Variants in MYO3B observed in about 807,000 individuals in gnomAD.
MYO3B encodes myosin-IIIb.
A neutral mutation model predicts 174.6 loss-of-function variants in MYO3B; 156 were observed. The observed-to-expected ratio is 0.89, with a 90% confidence interval of 0.78 to 1.02. MYO3B has a LOEUF of 1.02. MYO3B is among the 50% of genes least tolerant of loss of function. MYO3B has a pLI of 0.00. For synonymous variants in MYO3B, 563 were observed against 569.1 expected (o/e 0.99, Z 0.15); for missense variants, 1,632 against 1,639.4 (o/e 1.00, Z 0.08).
intron 7 of MYO3B, among the ~76,000 whole-genome samples, chr2:170,258,305 A>T (rs1045899849): frequency 1.3e-5 from 2 of 152,188 alleles, no homozygotes; most frequent in African/African-American, 4.8e-5. Flanking sequence ...AGATACAAAA[A>T]TCCTCAACAA....
At chr2:170,218,720 A>G (rs988518941) in intron 6 of MYO3B, among the ~76,000 whole-genome samples, 1 of 152,234 alleles carries the variant, frequency 6.6e-6, no homozygotes, top group Non-Finnish European at 1.5e-5. Context: ...AATAGTAAAC[A>G]TAATATGAAC....
chr2:170,283,786 T>C (rs2093532468), intron 7 of MYO3B, among the ~76,000 whole-genome samples: 1 of 152,214 alleles, frequency 6.6e-6, no homozygotes, highest in Non-Finnish European at 1.5e-5. Flanking sequence ...CAGTTTATAT[T>C]GGCACTTTCT....
At chr2:170,293,703 G>A (rs1225784512) in intron 7 of MYO3B, among the ~76,000 whole-genome samples, 2 of 152,152 alleles carry the variant, frequency 1.3e-5, no homozygotes, top group African/African-American at 4.8e-5. Context: ...AAGAGAAGCA[G>A]TAGGGATTCA....
chr2:170,404,778 C>G (rs951674528), intron 20 of MYO3B, among the ~76,000 whole-genome samples: 2 of 152,172 alleles, frequency 1.3e-5, no homozygotes, highest in Non-Finnish European at 2.9e-5. Context: ...CATGCAGAAG[C>G]CCTTTCCAGT....
intron 32 of MYO3B, among the ~76,000 whole-genome samples, chr2:170,605,160 G>A (rs1694737778): frequency 6.6e-6 from 1 of 152,122 alleles, no homozygotes; most frequent in African/African-American, 2.4e-5. Flanking sequence ...CCGCCTCTCA[G>A]CAGCATTTGA....
rs1468827547 is a variant in MYO3B, at chr2:170,608,451, G to A, written c.3734-43177G>A. ...CCAGTGGGATTATACAAGATTGAAG[G>A]ATCCAAAAGGCAACCAAGAGAAGTT... On this transcript the variant is annotated intron_variant, in intron 32 of 34. Coordinates refer to ENST00000408978, the MANE Select transcript of MYO3B (RefSeq NM_138995.5). Among the ~76,000 whole-genome samples the A allele has an allele frequency of 2.6e-5, 4 of 152,216 alleles. No individual in the cohort carries two copies. The South Asian group carries it at 6.2e-4, about 24-fold the overall frequency.
At chr2:170,622,309 T>C (rs996756543) in intron 32 of MYO3B, among the ~76,000 whole-genome samples, 1 of 152,208 alleles carries the variant, frequency 6.6e-6, no homozygotes, top group Admixed American at 6.5e-5. Context: ...TGAGGATATA[T>C]TAAAATATCC....
intron 29 of MYO3B, among the ~76,000 whole-genome samples, chr2:170,515,355 T>A (rs528264781): frequency 6.6e-6 from 1 of 152,322 alleles, no homozygotes; most frequent in South Asian, 2.1e-4. Context: ...GACTCTGACA[T>A]GTTTGTATCA....
intron 30 of MYO3B, among the ~76,000 whole-genome samples, chr2:170,523,695 C>A (rs900540548): frequency 1.3e-5 from 2 of 152,316 alleles, no homozygotes; most frequent in Admixed American, 6.5e-5. Flanking sequence ...GTCATGCCCC[C>A]ACTTATGGCC....
At chr2:170,593,305 G>A (rs975641722) in intron 32 of MYO3B, among the ~76,000 whole-genome samples, 3 of 152,148 alleles carry the variant, frequency 2.0e-5, no homozygotes, top group Non-Finnish European at 4.4e-5. Context: ...GTCTCGCTAT[G>A]TTGCCCAGGC....
intron 8 of MYO3B, among the ~76,000 whole-genome samples, chr2:170,349,167 C>A (rs1432431705): frequency 6.6e-6 from 1 of 152,172 alleles, no homozygotes; most frequent in Admixed American, 6.5e-5. Context: ...CTCCAAACTC[C>A]CTGCACATTC....
At chr2:170,364,231 A>C (rs2094182202) in intron 8 of MYO3B, among the ~76,000 whole-genome samples, 1 of 152,160 alleles carries the variant, frequency 6.6e-6, no homozygotes, top group Admixed American at 6.5e-5. Context: ...ACAAACAAAC[A>C]AAAAGGTCTC....
chr2:170,490,392 C>G (rs1038176379), intron 25 of MYO3B, among the ~76,000 whole-genome samples: 4 of 152,168 alleles, frequency 2.6e-5, no homozygotes, highest in African/African-American at 4.8e-5. Context: ...GTATATTGAT[C>G]TTTATCCTAA....
Position 170,391,507 on chromosome 2 carries a change from C to T in MYO3B, c.1578-13C>T. ...CCAGAATATATTATTACTAAAGTCT[C>T]TTTTTTTTTCAGGAGAGAGAAAAAT... On this transcript the variant is annotated splice_polypyrimidine_tract_variant and intron_variant, in intron 14 of 34. Coordinates refer to ENST00000408978, the MANE Select transcript of MYO3B (RefSeq NM_138995.5). 2 of 1,257,350 alleles carry T rather than the reference C, an allele frequency of 1.6e-6. No individual in the cohort carries two copies. The highest frequency in any genetic ancestry group is 1.1e-6 in the Non-Finnish European group (1 of 911,756). The allele number at this position is 1,257,350 out of a possible 1,614,324, so 77.9% of individuals were successfully genotyped here.
At chr2:170,428,169 A>G (rs2105876596) in intron 22 of MYO3B, among the ~76,000 whole-genome samples, 1 of 152,324 alleles carries the variant, frequency 6.6e-6, no homozygotes, top group East Asian at 1.9e-4. Flanking sequence ...AACTGAAGAG[A>G]TCATAGCAAC....
chr2:170,354,683 G>A (rs1574839097), intron 8 of MYO3B, among the ~76,000 whole-genome samples: 1 of 152,108 alleles, frequency 6.6e-6, no homozygotes, highest in Non-Finnish European at 1.5e-5. Flanking sequence ...GCTTTACTTT[G>A]CAAGGGTTAA....
intron 3 of MYO3B, 60 bp downstream of exon 3, chr2:170,200,344 C>A (rs963346698): frequency 1.3e-6 from 2 of 1,566,142 alleles, no homozygotes; most frequent in African/African-American, 2.7e-5. Flanking sequence ...CCAACAGATG[C>A]TTTATTACCT....
At chr2:170,511,226 A>AT (rs61583068) in intron 28 of MYO3B, among the ~76,000 whole-genome samples, 8,082 of 144,206 alleles carry the variant, frequency 0.056, 503 homozygotes, top group African/African-American at 0.15. Context: ...CGCCCAGCTA[A>AT]TTTTTTTTTT....
chr2:170,563,873 C>G (rs921512646), intron 32 of MYO3B, among the ~76,000 whole-genome samples: 1 of 152,172 alleles, frequency 6.6e-6, no homozygotes, highest in Non-Finnish European at 1.5e-5. Flanking sequence ...ATCTAATAGG[C>G]CTCCTTTATC....
Sources: allele counts gnomAD v4.1 joint callset (sites outside exome capture counted in the v4.1 genomes callset), GRCh38; gene constraint gnomAD v4.1.1; transcripts MANE v1.5; gene names NCBI Gene and HGNC (gene_info 2026-07-23, HGNC 2026-07-21).